The following ZC3H12C variants were observed in gnomAD, a reference collection of about 807,000 sequenced individuals.
ZC3H12C encodes the protein zinc finger CCCH-type containing 12C.
A neutral mutation model predicts 76.3 loss-of-function variants in ZC3H12C; 20 were observed. That is an observed-to-expected ratio of 0.26 (90% CI 0.18 to 0.38). The LOEUF is 0.38. Ranked by LOEUF, ZC3H12C falls within the 10% of genes least tolerant of loss-of-function variation. ZC3H12C has a pLI of 1.00. For missense variants in ZC3H12C, 874 were observed against 1,086.5 expected (o/e 0.80, Z 2.75); for synonymous variants, 352 against 399.6 (o/e 0.88, Z 1.42).
Position 110,165,110 on chromosome 11 carries a change from G to C in ZC3H12C, c.2025G>C (p.Pro675=), listed in dbSNP as rs937720067. The C allele has an allele frequency of 5.0e-6, 8 of 1,613,710 alleles. No individual in the cohort carries two copies. Among genetic ancestry groups the C allele is most frequent in the Non-Finnish European group, 6.8e-6 (8 of 1,179,870 alleles). ...CTCACAGCCGCCTTAATCCTCAACC[G>C]TTCCTGCAGAATTTCCACGACCCCT... The part of the protein sequence containing the change: ...MHPHSRLNPQ[P]FLQNFHDPLT... Residue 675 remains proline (P), a synonymous_variant, in exon 6 of 6, where the codon CCG becomes CCC. Transcript: ENST00000278590.
At chr11:110,153,214 G>T (rs1862307921) in intron 3 of ZC3H12C, among the ~76,000 whole-genome samples, 156 bp downstream of exon 3, 1 of 152,182 alleles carries the variant, frequency 6.6e-6, no homozygotes, top group Admixed American at 6.5e-5. Context: ...CTGAGATAGA[G>T]TCTCCCACTG....
intron 1 of ZC3H12C, among the ~76,000 whole-genome samples, chr11:110,117,793 ATATT>A (rs1479777407): frequency 7.2e-6 from 1 of 139,594 alleles, no homozygotes; most frequent in Admixed American, 7.8e-5. Context: ...ACACATATAT[ATATT>A]ATATATACAC....
intron 1 of ZC3H12C, among the ~76,000 whole-genome samples, chr11:110,128,620 A>G (rs1861799356): frequency 6.6e-6 from 1 of 152,200 alleles, no homozygotes; most frequent in South Asian, 2.1e-4. Context: ...TGATATACAC[A>G]AAAGAAAGAG....
intron 1 of ZC3H12C, among the ~76,000 whole-genome samples, chr11:110,115,999 A>G (rs1413344506): frequency 1.3e-5 from 2 of 151,878 alleles, no homozygotes; most frequent in Admixed American, 6.6e-5. Flanking sequence ...ACCTCAGGTG[A>G]TCCATCTGCC....
At chr11:110,109,000 G>A (rs953492775) in intron 1 of ZC3H12C, among the ~76,000 whole-genome samples, 1 of 152,096 alleles carries the variant, frequency 6.6e-6, no homozygotes, top group Non-Finnish European at 1.5e-5. Flanking sequence ...AAACCTACCT[G>A]GTTAATGTAT....
rs969827990 is a variant in ZC3H12C at position 110,169,530 on chromosome 11, G to A, written c.*3793G>A. ...TTTCTGGCCATTCTGTTGGTGTGTG[G>A]TGCACCCATTTTATTGTCATCTAAC... On this transcript the variant is annotated 3_prime_UTR_variant, in exon 6 of 6. Transcript: ENST00000278590. 1 of 152,084 alleles carries A rather than the reference G, an allele frequency of 6.6e-6. No homozygotes were observed. The highest frequency in any genetic ancestry group is 1.5e-5 in the Non-Finnish European group (1 of 67,988). 9.4% of individuals were successfully genotyped at this position (152,084 alleles called of 1,614,324 possible).
At chr11:110,119,478 G>A (rs1861615668) in intron 1 of ZC3H12C, among the ~76,000 whole-genome samples, 1 of 152,112 alleles carries the variant, frequency 6.6e-6, no homozygotes, top group Non-Finnish European at 1.5e-5. Flanking sequence ...TGCACTACAT[G>A]ACCTGGCTTC....
At chr11:110,118,054 T>G (rs1237110863) in intron 1 of ZC3H12C, among the ~76,000 whole-genome samples, 4 of 68,468 alleles carry the variant, frequency 5.8e-5, no homozygotes, top group African/African-American at 2.2e-4. Context: ...ACATATATAT[T>G]ATATATATAC....
chr11:110,154,634 C>T (rs891610390), intron 3 of ZC3H12C, among the ~76,000 whole-genome samples: 1 of 151,660 alleles, frequency 6.6e-6, no homozygotes, highest in African/African-American at 2.4e-5. Context: ...AAAAATCAAA[C>T]CATCAGAGAC....
intron 1 of ZC3H12C, among the ~76,000 whole-genome samples, chr11:110,109,475 C>T (rs1341732828): frequency 6.6e-6 from 1 of 152,142 alleles, no homozygotes; most frequent in Non-Finnish European, 1.5e-5. Context: ...TGTGGAGTTC[C>T]CTGACCTCCT....
chr11:110,155,689 T>A (rs1343054609), intron 3 of ZC3H12C, among the ~76,000 whole-genome samples: 1 of 152,170 alleles, frequency 6.6e-6, no homozygotes, highest in Non-Finnish European at 1.5e-5. Flanking sequence ...TGTGTCTGTC[T>A]ATACAGACAC....
rs745993952 is a variant in ZC3H12C, at chr11:110,137,378, G to T, written c.737G>T (p.Arg246Ile). ...GTAACAGATGATGGTGAAAATCTGA[G>T]ACCAATAGTTATTGATGGCAGCAAT... is the stretch of plus-strand genomic sequence containing the variant. ...EIVTDDGENL[R>I]PIVIDGSNVA... Residue 246 changes from arginine to isoleucine, a missense_variant, in exon 2 of 6, where the codon AGA becomes ATA. Transcript: ENST00000278590. The T allele has an allele frequency of 6.2e-7, 1 of 1,611,438 alleles. No homozygotes were observed. Among genetic ancestry groups the T allele is most frequent in the Non-Finnish European group, 8.5e-7 (1 of 1,179,168 alleles).
In ZC3H12C at chr11:110,165,258, T is replaced by A; in HGVS notation, c.2173T>A (p.Tyr725Asn). 1 of 1,614,038 alleles carries A rather than the reference T, an allele frequency of 6.2e-7. No individual in the cohort carries two copies. Among genetic ancestry groups the A allele is most frequent in the East Asian group, 2.2e-5 (1 of 44,886 alleles). ...CGCCCGGTCCAGCTGTCCTGGCGAC[T>A]ACCCCTCTCCTCCAAGTTCAGCACA... ...VGARSSCPGD[Y>N]PSPPSSAHSK... The change falls in exon 6 of 6, where the codon TAC becomes AAC. Residue 725 changes from tyrosine to asparagine, a missense_variant. Coordinates refer to ENST00000278590, the MANE Select transcript of ZC3H12C (RefSeq NM_033390.2).
In ZC3H12C at chr11:110,137,566, C is replaced by G. The variant is rs958667944; in HGVS notation, c.773+152C>G. ...ATTAGAAAACATTAGTTTTCCGTCT[C>G]TCTTCTTTCAGGGCACTCAGCCATC... On this transcript the variant is annotated intron_variant, in intron 2 of 5. Transcript: ENST00000278590. Among the ~76,000 whole-genome samples, 44 of 152,158 alleles carry G rather than the reference C, an allele frequency of 2.9e-4. 3 individuals carry two copies. The highest frequency in any genetic ancestry group is 2.9e-5 in the Non-Finnish European group (2 of 68,030).
intron 1 of ZC3H12C, among the ~76,000 whole-genome samples, chr11:110,096,063 A>T (rs878958677): frequency 6.6e-6 from 1 of 152,234 alleles, no homozygotes; most frequent in Non-Finnish European, 1.5e-5. Flanking sequence ...GACCTGCAGC[A>T]TATGAAATCT....
In ZC3H12C at chr11:110,137,088, C is replaced by T; in HGVS notation, c.447C>T (p.Ser149=). Reference sequence around the variant, plus strand: ...AACCTGAAGAGTCCCAGACTACATCCAAGGAAGCAAAGAAACCACCTGATG... The same window carrying T: ...AACCTGAAGAGTCCCAGACTACATCTAAGGAAGCAAAGAAACCACCTGATG... ...DFKPEESQTT[S]KEAKKPPDVV... Residue 149 remains serine, a synonymous_variant, in exon 2 of 6, where the codon TCC becomes TCT. Transcript: ENST00000278590. 6 of 1,613,786 alleles carry T rather than the reference C, an allele frequency of 3.7e-6. No homozygotes were observed. In the South Asian group the frequency reaches 4.4e-5, roughly 12 times the overall value.
intron 1 of ZC3H12C, chr11:110,130,940 G>A: frequency 7.9e-7 from 1 of 1,259,854 alleles, no homozygotes; most frequent in Non-Finnish European, 1.1e-6. Context: ...GCCTATGATT[G>A]GCTGTTATTC....
intron 1 of ZC3H12C, among the ~76,000 whole-genome samples, chr11:110,113,677 A>C (rs1261013263): frequency 6.6e-6 from 1 of 152,202 alleles, no homozygotes. Context: ...CTCAGGGACC[A>C]TTAGTAACCT....
chr11:110,126,345 A>G (rs1250406866), intron 1 of ZC3H12C, among the ~76,000 whole-genome samples: 2 of 148,944 alleles, frequency 1.3e-5, no homozygotes, highest in Non-Finnish European at 3.0e-5. Context: ...CCTTCCGAGT[A>G]GCTAGAACTA....
Sources: allele counts gnomAD v4.1 joint callset (sites outside exome capture counted in the v4.1 genomes callset), GRCh38; gene constraint gnomAD v4.1.1; transcripts MANE v1.5; gene names NCBI Gene and HGNC (gene_info 2026-07-23, HGNC 2026-07-21).